Variants in PDXDC1 observed in about 807,000 individuals in gnomAD.
PDXDC1 encodes the protein pyridoxal-dependent decarboxylase domain-containing protein 1.
A neutral mutation model predicts 100.1 loss-of-function variants in PDXDC1; 42 were observed. The ratio of observed to expected loss-of-function variants is 0.42; its 90% CI spans 0.33 to 0.54. The LOEUF (loss-of-function observed/expected upper bound fraction) is 0.54. Ranked by LOEUF, PDXDC1 falls within the 20% of genes least tolerant of loss-of-function variation. The pLI, the probability that PDXDC1 is intolerant of heterozygous loss-of-function variation, is 0.10. For missense variants in PDXDC1, 636 were observed against 979.2 expected (o/e 0.65, Z 4.68); for synonymous variants, 260 against 371.7 (o/e 0.70, Z 3.46).
chr16:15,093,574 T>G (rs1393053029), intron 16 of PDXDC1, among the ~76,000 whole-genome samples: 1 of 152,200 alleles, frequency 6.6e-6, no homozygotes, highest in Non-Finnish European at 1.5e-5. Flanking sequence ...ATGAATCATA[T>G]TACGCTAATT....
chr16:15,019,457 A>C (rs1452886760), intron 12 of PDXDC1, among the ~76,000 whole-genome samples: 1 of 152,298 alleles, frequency 6.6e-6, no homozygotes, highest in Non-Finnish European at 1.5e-5. Context: ...AAAATATATA[A>C]TTATGCTATA....
At chr16:15,126,345 A>T (rs2047727220) in intron 16 of PDXDC1, among the ~76,000 whole-genome samples, 1 of 89,874 alleles carries the variant, frequency 1.1e-5, no homozygotes, top group Non-Finnish European at 2.5e-5. Context: ...CCATCGTTCC[A>T]TTTTAATTAA....
intron 16 of PDXDC1, among the ~76,000 whole-genome samples, chr16:15,112,089 C>G (rs1260618925): frequency 6.8e-6 from 1 of 148,020 alleles, no homozygotes; most frequent in Non-Finnish European, 1.5e-5. Context: ...GAATTCCCAC[C>G]AAATTTCCAT....
intron 16 of PDXDC1, chr16:15,135,103 G>A (rs368559966): frequency 1.6e-6 from 1 of 627,548 alleles, no homozygotes; most frequent in Middle Eastern, 4.2e-4. Flanking sequence ...ATGTGGAACT[G>A]TGGCAGGTTT....
chr16:14,993,181 G>A (rs1971232324), intron 1 of PDXDC1, among the ~76,000 whole-genome samples: 1 of 151,888 alleles, frequency 6.6e-6, no homozygotes, highest in Non-Finnish European at 1.5e-5. Flanking sequence ...TAGGGTACGT[G>A]TGCACAACAT....
chr16:15,098,813 G>C (rs1459382234), intron 16 of PDXDC1, among the ~76,000 whole-genome samples: 2 of 152,054 alleles, frequency 1.3e-5, no homozygotes, highest in Non-Finnish European at 2.9e-5. Flanking sequence ...GGGAGGCAGA[G>C]GTTGCAGTGA....
chr16:15,044,690 AGCACAG>A (rs2043974283), intron 16 of PDXDC1: 12 of 497,634 alleles, frequency 2.4e-5, no homozygotes, highest in South Asian at 1.5e-4. Context: ...GCTCTGGAAG[AGCACAG>A]GCACAGGACA....
In PDXDC1 at chr16:15,125,739, C is replaced by T. The variant is rs2377167; in HGVS notation, c.1400-13140C>T. ...TGAGGAAGGAGCTGTCCAGCACGGACGAGTCCAGGCAGCTGTCGATGTCCA... is the reference window on the plus strand; with the variant it reads ...TGAGGAAGGAGCTGTCCAGCACGGATGAGTCCAGGCAGCTGTCGATGTCCA... On this transcript the variant is annotated intron_variant, in intron 16 of 16. Coordinates refer to the PDXDC1 transcript ENST00000535621. 641 of 1,488,200 alleles carry T rather than the reference C, an allele frequency of 4.3e-4. 1 individual carries two copies. The highest frequency in any genetic ancestry group is 5.5e-4 in the Non-Finnish European group (587 of 1,074,940). 92.2% of individuals were successfully genotyped at this position (1,488,200 alleles called of 1,614,324 possible).
chr16:15,011,631 C>CTTTTTTTTTTTTTTTTTTTTTTTTTTTCT, intron 8 of PDXDC1, among the ~76,000 whole-genome samples: 8 of 131,270 alleles, frequency 6.1e-5, no homozygotes, highest in Non-Finnish European at 9.8e-5. Context: ...ACATTTTTTT[C>CTTTTTTTTTTTTTTTTTTTTTTTTTTTCT]TTTTTTTTTT....
chr16:15,057,139 C>T (rs1263550145), intron 16 of PDXDC1, among the ~76,000 whole-genome samples: 1 of 152,170 alleles, frequency 6.6e-6, no homozygotes, highest in African/African-American at 2.4e-5. Context: ...CTGTATTCAT[C>T]GTCTTCTTTC....
At chr16:15,122,112 C>T (rs1175176053) in intron 16 of PDXDC1, among the ~76,000 whole-genome samples, 2 of 151,596 alleles carry the variant, frequency 1.3e-5, no homozygotes, top group Admixed American at 6.6e-5. Flanking sequence ...TGCAGTGAGC[C>T]GAGATCTTGC....
At chr16:15,055,695 T>G in intron 16 of PDXDC1, 1 of 372,836 alleles carries the variant, frequency 2.7e-6, no homozygotes, top group Non-Finnish European at 4.8e-6. Context: ...GAGAGTGGCC[T>G]CCGGGGCAGC....
chr16:15,149,313 G>C, the PDXDC1 span, among the ~76,000 whole-genome samples: 13 of 152,214 alleles, frequency 8.5e-5, no homozygotes, highest in Non-Finnish European at 1.6e-4. Flanking sequence ...TCATCTGCGT[G>C]TTTGTTGAAC....
At chr16:15,061,671 C>A in intron 16 of PDXDC1, 1 of 1,461,118 alleles carries the variant, frequency 6.8e-7, no homozygotes, top group Non-Finnish European at 9.4e-7. Context: ...CCCAATGGCA[C>A]AAGCTGGGTG....
rs1320684258 is a variant in PDXDC1, at chr16:15,125,438, G to C, written c.1400-13441G>C. ...TTCCGAGCAAACCTGCTCCCACGTG[G>C]TGTGACCACATGGAGCCACAGACAC... On this transcript the variant is annotated intron_variant, in intron 16 of 16. Transcript: ENST00000535621. 21 of 854,980 alleles carry C rather than the reference G, an allele frequency of 2.5e-5. No individual in the cohort carries two copies. In the African/African-American group the frequency reaches 3.3e-4, roughly 14 times the overall value. 53.0% of individuals were successfully genotyped at this position (854,980 alleles called of 1,614,324 possible).
chr16:15,142,091 C>T (rs1418189416), downstream of PDXDC1, among the ~76,000 whole-genome samples: 1 of 152,156 alleles, frequency 6.6e-6, no homozygotes, highest in African/African-American at 2.4e-5. Context: ...GCAGCTCCCA[C>T]CCAGGCCACG....
chr16:15,048,327 G>A (rs2044160732), intron 16 of PDXDC1, among the ~76,000 whole-genome samples: 1 of 152,272 alleles, frequency 6.6e-6, no homozygotes, highest in East Asian at 1.9e-4. Flanking sequence ...CTATGAAATC[G>A]GATGTCATAG....
intron 16 of PDXDC1, chr16:15,076,387 T>C (rs2045455325): frequency 4.7e-6 from 3 of 635,382 alleles, no homozygotes; most frequent in Non-Finnish European, 8.6e-6. Flanking sequence ...AGACCAACTA[T>C]GCTAAGTGCT....
chr16:15,077,327 T>TG (rs919055415), intron 16 of PDXDC1, among the ~76,000 whole-genome samples: 19 of 151,798 alleles, frequency 1.3e-4, no homozygotes, highest in East Asian at 5.8e-4. Flanking sequence ...CACATGTTGC[T>TG]GGGGGGGGAC....
Sources: allele counts gnomAD v4.1 joint callset (sites outside exome capture counted in the v4.1 genomes callset), GRCh38; gene constraint gnomAD v4.1.1; transcripts MANE v1.5; gene names NCBI Gene and HGNC (gene_info 2026-07-23, HGNC 2026-07-21).